Variants in KLHL13 observed in about 807,000 individuals in gnomAD.
The protein encoded by KLHL13 is kelch-like protein 13.
A neutral mutation model predicts 37.1 loss-of-function variants in KLHL13; 10 were observed. The observed-to-expected ratio is 0.27, with a 90% CI of 0.17 to 0.46. The LOEUF (loss-of-function observed/expected upper bound fraction) is 0.46, where lower values mean the gene tolerates loss of function less well. KLHL13 is among the 20% of genes least tolerant of loss of function. The probability of loss-of-function intolerance (pLI) is 1.00; values close to 1 mark genes in which losing one functional copy is unlikely to be tolerated. For missense variants in KLHL13, 360 were observed against 509.3 expected, an observed-to-expected ratio of 0.71 and a Z score of 2.82; for synonymous variants, 163 against 181.2, an observed-to-expected ratio of 0.90 and a Z score of 0.81.
chrX:117,953,565 A>G (rs1468741679), intron 1 of KLHL13, among the ~76,000 whole-genome samples: 2 of 110,819 alleles, frequency 1.8e-5, no homozygotes, highest in East Asian at 5.7e-4. Context: ...GTAATAAAAT[A>G]AAATAAAAAA....
chrX:118,058,880 G>C (rs1357791940), intron 1 of KLHL13, among the ~76,000 whole-genome samples: 4 of 111,452 alleles, frequency 3.6e-5, no homozygotes. Context: ...AAGTAAAAAA[G>C]AGGCCTCAGA....
intron 2 of KLHL13, among the ~76,000 whole-genome samples, chrX:117,931,456 A>C (rs1270846773): frequency 8.9e-6 from 1 of 111,815 alleles, no homozygotes; most frequent in East Asian, 2.8e-4. Flanking sequence ...GGATGTTTTC[A>C]ACTGGCAGTT....
chrX:118,036,909 C>G (rs370903640), intron 1 of KLHL13, among the ~76,000 whole-genome samples: 1 of 100,690 alleles, frequency 9.9e-6, no homozygotes, highest in South Asian at 5.0e-4. Context: ...AAAAAACAAA[C>G]AACCCCATCA....
chrX:118,097,771 G>A (rs1386050071), intron 1 of KLHL13, among the ~76,000 whole-genome samples: 1 of 111,094 alleles, frequency 9.0e-6, no homozygotes, highest in Non-Finnish European at 1.9e-5. Flanking sequence ...CAGAAATAAC[G>A]CCGCATATCT....
At position 118,062,333 on chromosome X, in the gene KLHL13, T is replaced by C. The variant is rs187516910; in HGVS notation, c.-56+54175A>G. On this transcript the variant is annotated intron_variant, in intron 1 of 6. Coordinates refer to the KLHL13 transcript ENST00000371882. Reference sequence around the variant, plus strand: ...TTTCTCGGCTTCAAGTATTTCCTTCTTTCTCTTATTATATACAAACAAGTC... The same window carrying C: ...TTTCTCGGCTTCAAGTATTTCCTTCCTTCTCTTATTATATACAAACAAGTC... 4.8e-3 allele frequency among the ~76,000 whole-genome samples: 535 copies of C among 110,949 alleles called. 3 individuals are homozygous for C. Among genetic ancestry groups the C allele is most frequent in the South Asian group, 0.014 (36 of 2,639 alleles).
intron 1 of KLHL13, among the ~76,000 whole-genome samples, chrX:118,102,222 T>A (rs768412991): frequency 8.9e-6 from 1 of 111,885 alleles, no homozygotes; most frequent in East Asian, 2.8e-4. Flanking sequence ...AAGTCAAAAA[T>A]TGATGAATGA....
chrX:117,968,115 C>T (rs2053467141), intron 1 of KLHL13, among the ~76,000 whole-genome samples: 1 of 111,824 alleles, frequency 8.9e-6, no homozygotes. Flanking sequence ...AGTGAAGGGT[C>T]TGAAAACCAT....
At chrX:118,055,206 C>A (rs2054671963) in intron 1 of KLHL13, among the ~76,000 whole-genome samples, 1 of 111,955 alleles carries the variant, frequency 8.9e-6, no homozygotes, top group South Asian at 3.7e-4. Flanking sequence ...GTGTAGGTAG[C>A]TCTATCTTTT....
At chrX:117,901,536 G>A (rs955771258) in intron 6 of KLHL13, among the ~76,000 whole-genome samples, 2 of 104,915 alleles carry the variant, frequency 1.9e-5, no homozygotes, top group African/African-American at 7.0e-5. Flanking sequence ...ATGGAGTCTC[G>A]CTCTTTCACA....
intron 5 of KLHL13, among the ~76,000 whole-genome samples, chrX:117,905,505 G>A (rs868522794): frequency 9.7e-6 from 1 of 103,261 alleles, no homozygotes; most frequent in Non-Finnish European, 2.0e-5. Context: ...GCTAGTGCGT[G>A]CACACACACA....
intron 1 of KLHL13, among the ~76,000 whole-genome samples, chrX:117,971,186 G>A (rs759136451): frequency 8.9e-6 from 1 of 111,782 alleles, no homozygotes; most frequent in Non-Finnish European, 1.9e-5. Context: ...AATAAGGGCT[G>A]CAATTTGGAT....
chrX:118,035,062 T>C (rs1416207094), intron 1 of KLHL13, among the ~76,000 whole-genome samples: 3 of 96,592 alleles, frequency 3.1e-5, no homozygotes, highest in African/African-American at 5.3e-5. Flanking sequence ...AATCTCTGAA[T>C]AGACCAATAA....
intron 1 of KLHL13, among the ~76,000 whole-genome samples, chrX:118,033,615 G>A (rs193068981): frequency 0.051 from 5,607 of 109,093 alleles, 387 homozygotes; most frequent in African/African-American, 0.18. Flanking sequence ...AGGAACAACC[G>A]GTACCAGCTG....
intron 1 of KLHL13, among the ~76,000 whole-genome samples, chrX:118,084,156 C>CA (rs201226351): frequency 0.13 from 10,680 of 80,534 alleles, 508 homozygotes; most frequent in Middle Eastern, 0.18. Flanking sequence ...TCTGTCTCTA[C>CA]AAAAAAAAAA....
At chrX:118,057,318 A>G (rs2054695062) in intron 1 of KLHL13, among the ~76,000 whole-genome samples, 1 of 112,399 alleles carries the variant, frequency 8.9e-6, no homozygotes, top group African/African-American at 3.2e-5. Flanking sequence ...TATACACCAT[A>G]TACATATACA....
At position 118,047,096 on chromosome X, in the gene KLHL13, T is replaced by C. The variant is rs187910355; in HGVS notation, c.-56+69412A>G. Among the ~76,000 whole-genome samples the C allele has an allele frequency of 1.3e-4, 15 of 112,019 alleles. No individual in the cohort carries two copies. The East Asian group carries it at 4.2e-3, about 31-fold the overall frequency. On this transcript the variant is annotated intron_variant, in intron 1 of 6. Coordinates refer to the KLHL13 transcript ENST00000371882. ...AGTAAGAGAAGGGGGGATGATTGAATAAGTGATTTCAGGACAACTGGGTAG... is the reference window on the plus strand; with the variant it reads ...AGTAAGAGAAGGGGGGATGATTGAACAAGTGATTTCAGGACAACTGGGTAG...
At chrX:117,995,436 T>A (rs7878003) in intron 1 of KLHL13, among the ~76,000 whole-genome samples, 6,004 of 111,418 alleles carry the variant, frequency 0.054, 400 homozygotes, top group African/African-American at 0.18. Context: ...GATTTTTTTT[T>A]AATTTTTTAT....
chrX:117,988,775 A>C (rs1326798571), intron 1 of KLHL13, among the ~76,000 whole-genome samples: 1 of 112,112 alleles, frequency 8.9e-6, no homozygotes, highest in Non-Finnish European at 1.9e-5. Flanking sequence ...TACATTTCTA[A>C]AATGGAACAA....
At position 118,102,955 on chromosome X, in the gene KLHL13, G is replaced by A. The variant is rs1229469463; in HGVS notation, c.-56+13553C>T. On this transcript the variant is annotated intron_variant, in intron 1 of 6. Coordinates refer to the KLHL13 transcript ENST00000371882. ...CTCAAAATCCTCTCTCCTAAATTAT[G>A]TGATACTTTCTCATTCAGCATGACC... 2.7e-5 allele frequency among the ~76,000 whole-genome samples: 3 copies of A among 112,046 alleles called. No homozygotes were observed. In the Admixed American group the frequency reaches 2.9e-4, roughly 11 times the overall value.
Sources: gnomAD v4.1 joint callset for allele counts (sites outside exome capture counted in the v4.1 genomes callset) on GRCh38, gnomAD v4.1.1 for gene constraint, MANE v1.5 for transcripts, NCBI Gene and HGNC (gene_info 2026-07-23, HGNC 2026-07-21) for gene names.